The following CNTNAP5 variants were observed in gnomAD, a reference collection of about 807,000 sequenced individuals.
CNTNAP5 encodes the protein contactin associated protein family member 5.
Under a neutral mutation model 150.2 loss-of-function variants are expected in CNTNAP5, and 72 were observed. That is an observed-to-expected ratio of 0.48 (90% CI 0.40 to 0.58). The LOEUF (loss-of-function observed/expected upper bound fraction) is 0.58. CNTNAP5 is among the 20% of genes least tolerant of loss of function. CNTNAP5 has a pLI of 0.00. For synonymous variants in CNTNAP5, 672 were observed against 619.8 expected (o/e 1.08, Z -1.25); for missense variants, 1,636 against 1,626.2 (o/e 1.01, Z -0.10).
chr2:124,321,414 G>T (rs1475079164), intron 3 of CNTNAP5, among the ~76,000 whole-genome samples: 1 of 148,542 alleles, frequency 6.7e-6, no homozygotes, highest in East Asian at 2.0e-4. Flanking sequence ...TTGCATTCCA[G>T]CCTGGGCAAC....
chr2:124,580,310 T>C (rs1476350783), intron 11 of CNTNAP5, among the ~76,000 whole-genome samples: 1 of 152,190 alleles, frequency 6.6e-6, no homozygotes. Flanking sequence ...TCTCTGTAAG[T>C]TGTCAACTAT....
At chr2:124,751,151 G>A (rs917552616) in intron 14 of CNTNAP5, among the ~76,000 whole-genome samples, 2 of 151,676 alleles carry the variant, frequency 1.3e-5, no homozygotes, top group African/African-American at 4.8e-5. Flanking sequence ...AGAAGCAGCA[G>A]TTACGTTTTG....
chr2:124,511,217 G>A (rs1694580828), intron 8 of CNTNAP5, among the ~76,000 whole-genome samples: 1 of 152,210 alleles, frequency 6.6e-6, no homozygotes, highest in South Asian at 2.1e-4. Flanking sequence ...AGGAGGAATA[G>A]GGCAGACTGT....
chr2:124,319,157 C>T (rs192495431), intron 3 of CNTNAP5, among the ~76,000 whole-genome samples: 32 of 152,334 alleles, frequency 2.1e-4, no homozygotes, highest in Non-Finnish European at 3.5e-4. Context: ...GACAAGATAC[C>T]TATAAAGGTT....
chr2:124,045,102 G>A (rs185675235), intron 1 of CNTNAP5, among the ~76,000 whole-genome samples: 8 of 152,200 alleles, frequency 5.3e-5, no homozygotes, highest in Non-Finnish European at 1.5e-5. Flanking sequence ...GCTCCAAAAT[G>A]TGTTCACAGA....
chr2:124,771,125 G>A (rs1681182707), intron 16 of CNTNAP5, among the ~76,000 whole-genome samples: 1 of 152,148 alleles, frequency 6.6e-6, no homozygotes, highest in Non-Finnish European at 1.5e-5. Context: ...AGGTTTAAAG[G>A]CTGGGAAGAA....
intron 21 of CNTNAP5, among the ~76,000 whole-genome samples, chr2:124,894,149 T>C (rs1488924172): frequency 6.6e-6 from 1 of 151,750 alleles, no homozygotes; most frequent in Non-Finnish European, 1.5e-5. Context: ...CTGTTACTTG[T>C]TTTAGAAAGA....
At chr2:124,547,775 C>T (rs1016613968) in intron 10 of CNTNAP5, among the ~76,000 whole-genome samples, 125 of 152,230 alleles carry the variant, frequency 8.2e-4, no homozygotes, top group African/African-American at 3.0e-3. Context: ...AGCAATTGGC[C>T]GCCACAATTC....
intron 13 of CNTNAP5, among the ~76,000 whole-genome samples, chr2:124,698,928 AG>A (rs1679462117): frequency 6.6e-6 from 1 of 152,188 alleles, no homozygotes; most frequent in South Asian, 2.1e-4. Flanking sequence ...GAAGAGTGGC[AG>A]CCCAGTGTGA....
chr2:124,538,243 T>C (rs757453633), intron 10 of CNTNAP5, among the ~76,000 whole-genome samples: 1 of 152,136 alleles, frequency 6.6e-6, no homozygotes, highest in African/African-American at 2.4e-5. Context: ...TCCCAGCACT[T>C]TGGGAAACCC....
At chr2:124,118,662 A>C (rs919030667) in intron 1 of CNTNAP5, among the ~76,000 whole-genome samples, 2 of 152,184 alleles carry the variant, frequency 1.3e-5, no homozygotes, top group African/African-American at 4.8e-5. Context: ...GCTGCCTGCT[A>C]CAGGACTTGT....
At position 124,213,928 on chromosome 2, in the gene CNTNAP5, C is replaced by T. The variant is rs527258368; in HGVS notation, c.83-7777C>T. Among the ~76,000 whole-genome samples, 6 of 152,242 alleles carry T rather than the reference C, an allele frequency of 3.9e-5. No individual in the cohort carries two copies. In the South Asian group the frequency reaches 1.2e-3, roughly 32 times the overall value. On this transcript the variant is annotated intron_variant, in intron 1 of 23. Coordinates refer to ENST00000682447, the MANE Select transcript of CNTNAP5 (RefSeq NM_001367498.1). ...CTCTTGAAATTCAAGAAGGAAAGAG[C>T]TATATTCCTACAAAATTGTCAAATA...
intron 13 of CNTNAP5, among the ~76,000 whole-genome samples, chr2:124,711,126 C>T (rs1176897284): frequency 6.6e-6 from 1 of 151,910 alleles, no homozygotes; most frequent in African/African-American, 2.4e-5. Context: ...CACAAATTAG[C>T]CAGGTGTGGT....
intron 1 of CNTNAP5, among the ~76,000 whole-genome samples, chr2:124,117,372 G>A (rs1002028535): frequency 6.6e-6 from 1 of 152,164 alleles, no homozygotes; most frequent in South Asian, 2.1e-4. Flanking sequence ...ACTCTGTGGA[G>A]GCAGAGACTT....
At chr2:124,195,594 C>G (rs1445984351) in intron 1 of CNTNAP5, among the ~76,000 whole-genome samples, 1 of 152,046 alleles carries the variant, frequency 6.6e-6, no homozygotes, top group Non-Finnish European at 1.5e-5. Context: ...CCTGTATATC[C>G]CAATTCCTTT....
At position 124,479,326 on chromosome 2, in the gene CNTNAP5, T is replaced by A. The variant is rs200868283; in HGVS notation, c.1062+4444T>A. 1.4e-4 allele frequency among the ~76,000 whole-genome samples: 22 copies of A among 152,312 alleles called. No individual in the cohort carries two copies. The East Asian group carries it at 4.2e-3, about 29-fold the overall frequency. ...ACTCCATCAGAAATGATGCTTTTTT[T>A]GAGCTGTCCTTTCTGAGTCTTCTAT... On this transcript the variant is annotated intron_variant, in intron 7 of 23. Coordinates refer to ENST00000682447, the MANE Select transcript of CNTNAP5 (RefSeq NM_001367498.1).
intron 3 of CNTNAP5, among the ~76,000 whole-genome samples, chr2:124,249,685 CCACCTTGGGCACATGTT>C (rs1687124699): frequency 2.6e-5 from 4 of 152,156 alleles, no homozygotes; most frequent in Admixed American, 1.3e-4. Context: ...CTGCACCTGA[CCACCTTGGGCACATGTT>C]CTCAGGACCT....
At chr2:124,280,975 A>G (rs1364733578) in intron 3 of CNTNAP5, among the ~76,000 whole-genome samples, 1 of 152,158 alleles carries the variant, frequency 6.6e-6, no homozygotes, top group African/African-American at 2.4e-5. Context: ...TATTTCTTCT[A>G]CTGCCACTCT....
intron 1 of CNTNAP5, among the ~76,000 whole-genome samples, chr2:124,068,575 T>G (rs1186487489): frequency 6.6e-6 from 1 of 151,968 alleles, no homozygotes; most frequent in African/African-American, 2.4e-5. Flanking sequence ...GTGCTGGTCT[T>G]AGAGCCAATG....
Sources: gnomAD v4.1 joint callset for allele counts (sites outside exome capture counted in the v4.1 genomes callset) on GRCh38, gnomAD v4.1.1 for gene constraint, MANE v1.5 for transcripts, NCBI Gene and HGNC (gene_info 2026-07-23, HGNC 2026-07-21) for gene names.